The following ANKS1B variants were observed in gnomAD, a reference collection of about 807,000 sequenced individuals.
ANKS1B encodes ankyrin repeat and sterile alpha motif domain-containing protein 1B.
Under a neutral mutation model 148.3 loss-of-function variants are expected in ANKS1B, and 36 were observed. That is an observed-to-expected ratio of 0.24 (90% CI 0.19 to 0.32). The LOEUF is 0.32. Among genes scored for constraint, ANKS1B ranks in the 10% least tolerant of loss-of-function variants. ANKS1B has a pLI of 1.00. For missense variants in ANKS1B, 1,157 were observed against 1,542.6 expected, an observed-to-expected ratio of 0.75 and a Z score of 4.19; for synonymous variants, 542 against 560.8, an observed-to-expected ratio of 0.97 and a Z score of 0.47.
intron 19 of ANKS1B, among the ~76,000 whole-genome samples, chr12:98,827,569 G>C (rs1417010328): frequency 2.0e-5 from 3 of 152,146 alleles, no homozygotes; most frequent in Non-Finnish European, 4.4e-5. Context: ...TACTGCCCCT[G>C]CTTTCGAAAA....
At chr12:99,537,480 T>G (rs2097082523) in intron 9 of ANKS1B, among the ~76,000 whole-genome samples, 1 of 152,170 alleles carries the variant, frequency 6.6e-6, no homozygotes. Flanking sequence ...GATAGCTCAT[T>G]GCAGTTTTCA....
chr12:99,498,706 T>C (rs2096627482), intron 10 of ANKS1B, among the ~76,000 whole-genome samples: 1 of 152,194 alleles, frequency 6.6e-6, no homozygotes, highest in African/African-American at 2.4e-5. Context: ...CAATAAGTGC[T>C]TATTGAATGG....
intron 4 of ANKS1B, among the ~76,000 whole-genome samples, chr12:99,804,476 G>A (rs1261911858): frequency 1.3e-5 from 2 of 152,064 alleles, no homozygotes; most frequent in Admixed American, 6.6e-5. Flanking sequence ...AAATAATGCA[G>A]GCAAAGCTCT....
At chr12:99,645,731 T>C (rs1486982313) in intron 9 of ANKS1B, among the ~76,000 whole-genome samples, 1 of 152,200 alleles carries the variant, frequency 6.6e-6, no homozygotes, top group Non-Finnish European at 1.5e-5. Flanking sequence ...TTCTCAAGTC[T>C]TGAGGCAAAT....
intron 15 of ANKS1B, among the ~76,000 whole-genome samples, chr12:99,133,497 T>G (rs2066867519): frequency 6.6e-6 from 1 of 152,214 alleles, no homozygotes; most frequent in Admixed American, 6.5e-5. Context: ...TGTTGACTCA[T>G]TCTCTCTCCT....
In ANKS1B at chr12:98,745,213, T is replaced by C. The variant is rs1192881683; in HGVS notation, c.*526A>G. Reference sequence around the variant, plus strand: ...GGGAAACAGAATCTCCTGGCAATCATATCACGGGAGTTGTTTTTGTCCTTT... The same window carrying C: ...GGGAAACAGAATCTCCTGGCAATCACATCACGGGAGTTGTTTTTGTCCTTT... On this transcript the variant is annotated 3_prime_UTR_variant, in exon 27 of 27. Transcript: ENST00000683438. The C allele has an allele frequency of 3.0e-6, 3 of 985,696 alleles. No homozygotes were observed. Among genetic ancestry groups the C allele is most frequent in the Non-Finnish European group, 3.6e-6 (3 of 829,932 alleles). The allele number at this position is 985,696 out of a possible 1,614,324, so 61.1% of individuals were successfully genotyped here.
intron 9 of ANKS1B, among the ~76,000 whole-genome samples, chr12:99,615,624 G>A (rs754917860): frequency 5.3e-5 from 8 of 152,086 alleles, no homozygotes; most frequent in Non-Finnish European, 1.0e-4. Flanking sequence ...AGTAAACTAA[G>A]TATTGATGTA....
chr12:99,912,392 C>A (rs1245264687), intron 1 of ANKS1B, among the ~76,000 whole-genome samples: 1 of 151,594 alleles, frequency 6.6e-6, no homozygotes, highest in Non-Finnish European at 1.5e-5. Flanking sequence ...CACTCTGTTG[C>A]CCAGGCTGGA....
At chr12:99,640,518 T>A (rs2098292414) in intron 9 of ANKS1B, among the ~76,000 whole-genome samples, 1 of 152,228 alleles carries the variant, frequency 6.6e-6, no homozygotes, top group Non-Finnish European at 1.5e-5. Context: ...CCGTCTCTCA[T>A]TCTCTTGACC....
chr12:99,956,752 C>T (rs1019235809), intron 1 of ANKS1B, among the ~76,000 whole-genome samples: 1 of 152,184 alleles, frequency 6.6e-6, no homozygotes, highest in Non-Finnish European at 1.5e-5. Flanking sequence ...TCAGTACATT[C>T]TCTCAATTTT....
intron 9 of ANKS1B, among the ~76,000 whole-genome samples, chr12:99,523,776 T>C (rs2096900028): frequency 6.6e-6 from 1 of 151,968 alleles, no homozygotes; most frequent in Admixed American, 6.6e-5. Flanking sequence ...ATGGTCTCAA[T>C]CTCCTAACCT....
intron 8 of ANKS1B, among the ~76,000 whole-genome samples, chr12:99,720,600 G>A (rs1232537110): frequency 2.0e-5 from 3 of 152,156 alleles, no homozygotes; most frequent in Admixed American, 2.0e-4. Context: ...ACTTAAAAAG[G>A]ACTGGACAAT....
intron 12 of ANKS1B, among the ~76,000 whole-genome samples, chr12:99,376,670 T>TA (rs2093403514): frequency 6.6e-6 from 1 of 152,224 alleles, no homozygotes; most frequent in Non-Finnish European, 1.5e-5. Flanking sequence ...TACTCTCCCA[T>TA]ATGAGCCTTG....
Position 98,944,726 on chromosome 12 carries a change from C to T in ANKS1B, c.2778+108431G>A, listed in dbSNP as rs117213285. ...AACACTCAAACCATGGAATGAAATACTCTTGGAGATAAAAAAGTCAAATAC... is the reference window on the plus strand; with the variant it reads ...AACACTCAAACCATGGAATGAAATATTCTTGGAGATAAAAAAGTCAAATAC... On this transcript the variant is annotated intron_variant, in intron 17 of 26. Coordinates refer to ENST00000683438, the MANE Select transcript of ANKS1B (RefSeq NM_001352186.2). 2.4e-3 allele frequency among the ~76,000 whole-genome samples: 367 copies of T among 152,256 alleles called. 5 individuals are homozygous for T. In the East Asian group the frequency reaches 0.048, roughly 20 times the overall value.
At chr12:99,592,535 T>C (rs1295171518) in intron 9 of ANKS1B, among the ~76,000 whole-genome samples, 1 of 150,100 alleles carries the variant, frequency 6.7e-6, no homozygotes, top group Non-Finnish European at 1.5e-5. Context: ...GGCCAGAAAT[T>C]AGAGAGAAGC....
intron 9 of ANKS1B, among the ~76,000 whole-genome samples, chr12:98,737,569 C>A (rs879925274): frequency 6.6e-6 from 1 of 152,198 alleles, no homozygotes; most frequent in Admixed American, 6.5e-5. Flanking sequence ...TCAGTAAACA[C>A]TTGTTGGATG....
At chr12:99,556,809 T>C (rs1421527604) in intron 9 of ANKS1B, among the ~76,000 whole-genome samples, 3 of 152,160 alleles carry the variant, frequency 2.0e-5, no homozygotes, top group African/African-American at 2.4e-5. Flanking sequence ...TCAGAGAGTA[T>C]GGTTGGTAAG....
intron 12 of ANKS1B, among the ~76,000 whole-genome samples, chr12:99,296,982 A>G (rs1005000769): frequency 6.6e-6 from 1 of 152,172 alleles, no homozygotes; most frequent in South Asian, 2.1e-4. Flanking sequence ...ATGGCATTTC[A>G]GAAACATAGA....
chr12:99,843,767 T>C (rs968795464), intron 1 of ANKS1B, among the ~76,000 whole-genome samples: 2 of 152,158 alleles, frequency 1.3e-5, no homozygotes, highest in Admixed American at 1.3e-4. Context: ...TTTAGGTATA[T>C]ACCCAGTAAT....
Sources: allele counts gnomAD v4.1 joint callset (sites outside exome capture counted in the v4.1 genomes callset), GRCh38; gene constraint gnomAD v4.1.1; transcripts MANE v1.5; gene names NCBI Gene and HGNC (gene_info 2026-07-23, HGNC 2026-07-21).